Variants in PFDN1 observed in about 807,000 individuals in gnomAD.
PFDN1 encodes the protein prefoldin subunit 1, also known as prefoldin 1.
PFDN1 carries 6 observed loss-of-function variants against 17.3 expected under a neutral mutation model. The observed-to-expected ratio is 0.35, with a 90% CI of 0.19 to 0.69. The LOEUF (loss-of-function observed/expected upper bound fraction) is 0.69, where lower values mean the gene tolerates loss of function less well. PFDN1 is among the 30% of genes least tolerant of loss of function. The pLI is 0.65. For missense variants in PFDN1, 113 were observed against 146.2 expected, an observed-to-expected ratio of 0.77 and a Z score of 1.17; for synonymous variants, 58 against 50.1, an observed-to-expected ratio of 1.16 and a Z score of -0.67.
intron 2 of PFDN1, among the ~76,000 whole-genome samples, chr5:140,294,909 T>C (rs1375067701): frequency 6.6e-6 from 1 of 152,042 alleles, no homozygotes; most frequent in East Asian, 1.9e-4. Context: ...CCATTGTTCA[T>C]TCTTAGTTCC....
intron 3 of PFDN1, among the ~76,000 whole-genome samples, chr5:140,268,173 C>A (rs1336488214): frequency 1.3e-5 from 2 of 152,146 alleles, no homozygotes; most frequent in Non-Finnish European, 2.9e-5. Flanking sequence ...ATTAGCAAAA[C>A]AGCATTGTCC....
intron 3 of PFDN1, among the ~76,000 whole-genome samples, chr5:140,250,961 G>A (rs1036686769): frequency 6.6e-5 from 10 of 151,906 alleles, no homozygotes; most frequent in African/African-American, 2.4e-4. Flanking sequence ...TTGAAACAGG[G>A]TCTTGCTCTG....
chr5:140,280,426 T>C (rs1765382707), intron 3 of PFDN1, among the ~76,000 whole-genome samples: 2 of 152,318 alleles, frequency 1.3e-5, no homozygotes, highest in South Asian at 4.1e-4. Flanking sequence ...TGTTTTTTCT[T>C]TACTTGGTTT....
chr5:140,288,909 C>T (rs750158734), intron 2 of PFDN1, among the ~76,000 whole-genome samples: 4 of 151,766 alleles, frequency 2.6e-5, no homozygotes, highest in Non-Finnish European at 5.9e-5. Flanking sequence ...TGCTTGAACC[C>T]AGAAGGCGGA....
At chr5:140,260,004 A>T (rs572657840) in intron 3 of PFDN1, among the ~76,000 whole-genome samples, 8 of 152,198 alleles carry the variant, frequency 5.3e-5, no homozygotes, top group Non-Finnish European at 7.3e-5. Context: ...ATGCAAATTT[A>T]AAAAATCACA....
At chr5:140,272,175 A>G (rs1278963295) in intron 3 of PFDN1, among the ~76,000 whole-genome samples, 2 of 151,528 alleles carry the variant, frequency 1.3e-5, no homozygotes, top group African/African-American at 4.8e-5. Context: ...GCGTGCCACC[A>G]GGCCCAGCTA....
rs1288038089 is a variant in PFDN1 at position 140,254,725 on chromosome 5, C to G, written c.286-8668G>C. On this transcript the variant is annotated intron_variant, in intron 3 of 3. Transcript: ENST00000261813. This position sits in a 1 kb window ranked among gnomAD's most constrained non-coding sequence, Gnocchi z 4.4. ...GAAGTGTCCATTTCACCACCACTAC[C>G]TCATATTCTTCCAGGTCACTTCTGA... is the stretch of plus-strand genomic sequence containing the variant. Among the ~76,000 whole-genome samples the G allele has an allele frequency of 6.6e-6, 1 of 152,190 alleles. No homozygotes were observed. Among genetic ancestry groups the G allele is most frequent in the Non-Finnish European group, 1.5e-5 (1 of 68,032 alleles).
intron 3 of PFDN1, among the ~76,000 whole-genome samples, chr5:140,264,673 C>CAA (rs940925019): frequency 2.9e-5 from 4 of 137,164 alleles, no homozygotes; most frequent in Non-Finnish European, 4.8e-5. Flanking sequence ...CCTGTCTTTA[C>CAA]AAAAAAAAAA....
chr5:140,258,627 C>T (rs183479547), intron 3 of PFDN1, among the ~76,000 whole-genome samples: 59 of 152,256 alleles, frequency 3.9e-4, no homozygotes, highest in Non-Finnish European at 4.6e-4. Context: ...AACAAGAGGA[C>T]TTCACCACTC....
intron 2 of PFDN1, 56 bp from the exon 3 acceptor site, chr5:140,281,589 A>T: frequency 1.2e-5 from 10 of 827,778 alleles, no homozygotes; most frequent in Non-Finnish European, 1.9e-5. Flanking sequence ...ATTCATCGAA[A>T]TCAATAGCTA....
Position 140,255,523 on chromosome 5 carries a change from C to G in PFDN1, c.286-9466G>C, listed in dbSNP as rs556839239. Among the ~76,000 whole-genome samples, 11 of 152,168 alleles carry G rather than the reference C, an allele frequency of 7.2e-5. 1 individual carries two copies. The highest frequency in any genetic ancestry group is 1.2e-4 in the Non-Finnish European group (8 of 68,028). On this transcript the variant is annotated intron_variant, in intron 3 of 3. Transcript: ENST00000261813. ...GCATGGTGGTGCATGTCTGTAGCCC[C>G]AGCTACTCAGAAGGCTAAGGCAGGA...
intron 3 of PFDN1, among the ~76,000 whole-genome samples, chr5:140,256,668 A>AAAAAAAAAAAAAAAAAC (rs1764991435): frequency 7.2e-6 from 1 of 139,746 alleles, no homozygotes; most frequent in African/African-American, 3.2e-5. Context: ...CAAAAAAAAA[A>AAAAAAAAAAAAAAAAAC]AAAAAAAAAA....
At chr5:140,284,078 C>A (rs955609006) in intron 2 of PFDN1, among the ~76,000 whole-genome samples, 2 of 152,164 alleles carry the variant, frequency 1.3e-5, no homozygotes, top group African/African-American at 2.4e-5. Flanking sequence ...AGTATCTGAA[C>A]AGATACTAAA....
intron 3 of PFDN1, among the ~76,000 whole-genome samples, chr5:140,257,439 C>G (rs1392365946): frequency 1.3e-5 from 2 of 152,122 alleles, no homozygotes; most frequent in Admixed American, 1.3e-4. Flanking sequence ...TCTCTGTGAC[C>G]TCCACCTGGA....
chr5:140,300,305 A>G (rs544751007), intron 2 of PFDN1, 111 bp downstream of exon 2: 10 of 744,782 alleles, frequency 1.3e-5, no homozygotes, highest in Non-Finnish European at 1.8e-5. Flanking sequence ...CCAGGATTAC[A>G]GGCATGAGCC....
intron 3 of PFDN1, among the ~76,000 whole-genome samples, chr5:140,263,543 A>G (rs1765091657): frequency 6.6e-6 from 1 of 152,158 alleles, no homozygotes; most frequent in South Asian, 2.1e-4. Context: ...TTGCCATTTT[A>G]CGGACGAGTG....
chr5:140,300,934 T>C (rs1269752745), intron 1 of PFDN1, among the ~76,000 whole-genome samples: 1 of 152,232 alleles, frequency 6.6e-6, no homozygotes, highest in African/African-American at 2.4e-5. Context: ...TACATTTGTA[T>C]TGCACAATTA....
chr5:140,252,167 AC>A (rs1283260437), intron 3 of PFDN1, among the ~76,000 whole-genome samples: 3 of 151,188 alleles, frequency 2.0e-5, no homozygotes, highest in African/African-American at 7.3e-5. Flanking sequence ...CACTTTCTTC[AC>A]ATGAACTCTT....
chr5:140,250,004 G>C (rs1764890269), intron 3 of PFDN1, among the ~76,000 whole-genome samples: 2 of 152,128 alleles, frequency 1.3e-5, no homozygotes, highest in East Asian at 3.9e-4. Flanking sequence ...CACCACAGCA[G>C]GGGCATCCTT....
Sources: allele counts gnomAD v4.1 joint callset (sites outside exome capture counted in the v4.1 genomes callset), GRCh38; gene constraint gnomAD v4.1.1; non-coding constraint Gnocchi (gnomAD v3.1); transcripts MANE v1.5; gene names NCBI Gene and HGNC (gene_info 2026-07-23, HGNC 2026-07-21).